EXT1: variants seen among roughly 807,000 people sequenced by gnomAD.
EXT1 encodes the protein exostosin glycosyltransferase 1.
In EXT1, 20 loss-of-function variants were observed where a neutral mutation model predicts 82.5. That is an observed-to-expected ratio of 0.24 (90% CI 0.17 to 0.35). The LOEUF (loss-of-function observed/expected upper bound fraction) is 0.35. Among genes scored for constraint, EXT1 ranks in the 10% least tolerant of loss-of-function variants. The probability of loss-of-function intolerance (pLI) is 1.00; values close to 1 mark genes in which losing one functional copy is unlikely to be tolerated. For synonymous variants in EXT1, 348 were observed against 350.8 expected (o/e 0.99, Z 0.09); for missense variants, 757 against 936.5 (o/e 0.81, Z 2.50).
At chr8:117,848,539 C>T (rs1475264008) in intron 1 of EXT1, among the ~76,000 whole-genome samples, 1 of 152,062 alleles carries the variant, frequency 6.6e-6, no homozygotes, top group Non-Finnish European at 1.5e-5. Context: ...GAGAGGTGGA[C>T]CAGATGGCCC....
intron 1 of EXT1, among the ~76,000 whole-genome samples, chr8:118,005,352 T>C (rs1027842741): frequency 6.6e-6 from 1 of 152,150 alleles, no homozygotes; most frequent in Admixed American, 6.5e-5. Flanking sequence ...TTAGCTCTAG[T>C]TACAAAGCTC....
At chr8:117,863,653 T>G (rs976027094) in intron 1 of EXT1, among the ~76,000 whole-genome samples, 2 of 152,046 alleles carry the variant, frequency 1.3e-5, no homozygotes, top group Non-Finnish European at 2.9e-5. Flanking sequence ...GGACAGTAAA[T>G]CAGCGCACTA....
chr8:118,102,494 T>C, intron 1 of EXT1, among the ~76,000 whole-genome samples: 1 of 152,174 alleles, frequency 6.6e-6, no homozygotes. Flanking sequence ...CAGACTAGAA[T>C]GGTAAGGTGA....
intron 1 of EXT1, among the ~76,000 whole-genome samples, chr8:118,064,425 A>G (rs954069188): frequency 6.6e-6 from 1 of 151,946 alleles, no homozygotes; most frequent in African/African-American, 2.4e-5. Flanking sequence ...GAGAACATGC[A>G]GTGTTTGGTT....
intron 1 of EXT1, among the ~76,000 whole-genome samples, chr8:118,093,197 C>T (rs1817552100): frequency 7.0e-6 from 1 of 143,348 alleles, no homozygotes; most frequent in Non-Finnish European, 1.5e-5. Context: ...CCCAAAAAAG[C>T]CCTTTATAAA....
chr8:117,859,513 G>T (rs746339864), intron 1 of EXT1, among the ~76,000 whole-genome samples: 1 of 152,118 alleles, frequency 6.6e-6, no homozygotes, highest in Non-Finnish European at 1.5e-5. Context: ...ATCCTTGTAG[G>T]GTAGTGCAAG....
chr8:118,043,318 G>A (rs1311272094), intron 1 of EXT1, among the ~76,000 whole-genome samples: 2 of 152,168 alleles, frequency 1.3e-5, no homozygotes, highest in Non-Finnish European at 2.9e-5. Context: ...TTAAAACGAA[G>A]AGACACTTTA....
intron 2 of EXT1, among the ~76,000 whole-genome samples, chr8:117,835,759 A>C (rs574276964): frequency 6.6e-6 from 1 of 152,346 alleles, no homozygotes; most frequent in East Asian, 1.9e-4. Context: ...AATATTTGCA[A>C]GTCTTGCCCT....
intron 1 of EXT1, among the ~76,000 whole-genome samples, chr8:118,010,766 A>G (rs1399326856): frequency 1.3e-5 from 2 of 152,144 alleles, no homozygotes; most frequent in Non-Finnish European, 2.9e-5. Context: ...GAACCTCATG[A>G]AATGTTTAAG....
rs1563874289 is a variant in EXT1 at position 117,809,245 on chromosome 8, T to TATATATATATATGTATATATA, written c.1723-1869_1723-1868insTATATATACATATATATATAT. Reference sequence around the variant, plus strand: ...TATATATATATATATATATATATATTATGTTCTATTGATTCTGTTTGCCTG... The same window carrying TATATATATATATGTATATATA: ...TATATATATATATATATATATATATTATATATATATATGTATATATAATGTTCTATTGATTCTGTTTGCCTG... On this transcript the variant is annotated intron_variant, in intron 8 of 10. Coordinates refer to ENST00000378204, the MANE Select transcript of EXT1 (RefSeq NM_000127.3). 4.1e-3 allele frequency among the ~76,000 whole-genome samples: 273 copies of TATATATATATATGTATATATA among 66,046 alleles called. 2 individuals carry two copies. The highest frequency in any genetic ancestry group is 0.012 in the Middle Eastern group (1 of 84). The allele number at this position is 66,046 out of a possible 152,430, so 43.3% of individuals were successfully genotyped here.
intron 1 of EXT1, among the ~76,000 whole-genome samples, chr8:117,908,645 AC>A (rs1156758464): frequency 6.6e-6 from 1 of 152,068 alleles, no homozygotes; most frequent in Non-Finnish European, 1.5e-5. Context: ...AAAAACAAAA[AC>A]AAAAAAAACC....
chr8:118,023,419 G>C (rs900410856), intron 1 of EXT1, among the ~76,000 whole-genome samples: 1 of 152,148 alleles, frequency 6.6e-6, no homozygotes, highest in Non-Finnish European at 1.5e-5. Flanking sequence ...TCCTGGCTTT[G>C]GCTAAGAAGA....
chr8:117,869,178 C>A (rs538189008), intron 1 of EXT1, among the ~76,000 whole-genome samples: 2 of 152,140 alleles, frequency 1.3e-5, no homozygotes, highest in African/African-American at 4.8e-5. Context: ...CTCTGTGAAC[C>A]CCAGTGAGCC....
At chr8:117,817,158 T>C (rs1476358428) in intron 7 of EXT1, among the ~76,000 whole-genome samples, 1 of 152,204 alleles carries the variant, frequency 6.6e-6, no homozygotes, top group Non-Finnish European at 1.5e-5. Flanking sequence ...GCCATGGCTA[T>C]ATTTGTCACA....
intron 1 of EXT1, among the ~76,000 whole-genome samples, chr8:117,870,546 T>C (rs1812850596): frequency 2.7e-5 from 4 of 150,338 alleles, no homozygotes. Context: ...TTCTAGCAAG[T>C]TGTCCATCAG....
intron 1 of EXT1, among the ~76,000 whole-genome samples, chr8:117,887,145 C>G (rs1178323207): frequency 6.6e-6 from 1 of 152,108 alleles, no homozygotes; most frequent in Non-Finnish European, 1.5e-5. Flanking sequence ...TAATATATAA[C>G]AAATATTGTT....
At chr8:118,051,087 G>C (rs1816709341) in intron 1 of EXT1, among the ~76,000 whole-genome samples, 1 of 152,152 alleles carries the variant, frequency 6.6e-6, no homozygotes, top group Non-Finnish European at 1.5e-5. Context: ...TATAATCCCA[G>C]CACTTTGGGA....
At chr8:118,061,725 A>G (rs371944539) in intron 1 of EXT1, among the ~76,000 whole-genome samples, 1 of 152,172 alleles carries the variant, frequency 6.6e-6, no homozygotes, top group Admixed American at 6.5e-5. Context: ...CAAAATATGA[A>G]TATGTTTAGT....
At chr8:117,897,037 T>C (rs1276737481) in intron 1 of EXT1, among the ~76,000 whole-genome samples, 3 of 152,166 alleles carry the variant, frequency 2.0e-5, no homozygotes, top group East Asian at 1.9e-4. Context: ...ATTCTGTCCA[T>C]GGAATTTCCC....
Sources: allele counts gnomAD v4.1 joint callset (sites outside exome capture counted in the v4.1 genomes callset), GRCh38; gene constraint gnomAD v4.1.1; transcripts MANE v1.5; gene names NCBI Gene and HGNC (gene_info 2026-07-23, HGNC 2026-07-21).